The following IL12B variants were observed in gnomAD, a reference collection of about 807,000 sequenced individuals.
IL12B encodes interleukin-12 subunit beta.
Under a neutral mutation model 39.2 loss-of-function variants are expected in IL12B, and 27 were observed. That is an observed-to-expected ratio of 0.69 (90% CI 0.51 to 0.95). The LOEUF is 0.95. Ranked by LOEUF, IL12B falls within the 40% of genes least tolerant of loss-of-function variation. IL12B has a pLI of 0.00. For synonymous variants in IL12B, 142 were observed against 152.1 expected (o/e 0.93, Z 0.49); for missense variants, 351 against 397.6 (o/e 0.88, Z 1.00).
At chr5:159,325,955 T>C (rs549248819) in intron 2 of IL12B, among the ~76,000 whole-genome samples, 100 of 152,318 alleles carry the variant, frequency 6.6e-4, no homozygotes, top group African/African-American at 2.3e-3. Flanking sequence ...CATTAACTAT[T>C]CTATTAGTCT....
At chr5:159,318,600 T>C in intron 6 of IL12B, 136 bp downstream of exon 6, 1 of 870,128 alleles carries the variant, frequency 1.1e-6, no homozygotes, top group Admixed American at 1.8e-5. Flanking sequence ...TGCCTAAAGA[T>C]GAATTTCTCA....
intron 6 of IL12B, among the ~76,000 whole-genome samples, chr5:159,317,051 C>A (rs1208798444): frequency 6.6e-6 from 1 of 152,206 alleles, no homozygotes; most frequent in Non-Finnish European, 1.5e-5. Context: ...TTTGGCCCAG[C>A]TTTCATCTTT....
intron 2 of IL12B, among the ~76,000 whole-genome samples, chr5:159,323,730 A>C (rs1368489596): frequency 6.6e-6 from 1 of 152,168 alleles, no homozygotes; most frequent in African/African-American, 2.4e-5. Flanking sequence ...AGAGTAACAT[A>C]GTGGTTAAAA....
chr5:159,322,322 G>T, intron 4 of IL12B, 72 bp downstream of exon 4: 1 of 962,358 alleles, frequency 1.0e-6, no homozygotes, highest in South Asian at 1.3e-5. Flanking sequence ...ATAGGTCACT[G>T]AGAGGTTGCC....
At position 159,315,178 on chromosome 5, in the gene IL12B, A is replaced by T. The variant is rs1753967933; in HGVS notation, c.*923T>A. 6.6e-6 allele frequency: 1 copy of T among 151,706 alleles called. No homozygotes were observed. The highest frequency in any genetic ancestry group is 1.5e-5 in the Non-Finnish European group (1 of 68,002). 9.4% of individuals were successfully genotyped at this position (151,706 alleles called of 1,614,324 possible). A position where few individuals can be genotyped will look rare whatever the true frequency, so the allele number is the denominator to read the frequency against. On this transcript the variant is annotated 3_prime_UTR_variant, in exon 8 of 8. Coordinates refer to ENST00000231228, the MANE Select transcript of IL12B (RefSeq NM_002187.3). ...GGGTGAGGACTGCCATGGAAGCTAA[A>T]GCTGAATTTTAATTTCAATCATTTT... is the stretch of plus-strand genomic sequence containing the variant.
chr5:159,319,376 C>T (rs536355378), intron 5 of IL12B, among the ~76,000 whole-genome samples: 73 of 152,358 alleles, frequency 4.8e-4, no homozygotes, highest in African/African-American at 1.7e-3. Context: ...GGAGCAGTTA[C>T]AGTCAATTGT....
chr5:159,318,853 T>C lies in IL12B; in HGVS notation c.738A>G (p.Leu246=), dbSNP rs192540461. The change falls in exon 6 of 8, where the codon TTA becomes TTG. Residue 246 remains leucine (L), a synonymous_variant. Coordinates refer to ENST00000231228, the MANE Select transcript of IL12B (RefSeq NM_002187.3). The part of the protein sequence containing the change: ...DPPKNLQLKP[L]KNSRQVEVSW... ...TGACCTCCACCTGCCGAGAATTCTT[T>C]AATGGCTTCAGCTGCAAGTTCTTGG... The C allele has an allele frequency of 3.2e-5, 51 of 1,614,112 alleles. No homozygotes were observed. The East Asian group carries it at 1.1e-3, about 36-fold the overall frequency.
chr5:159,320,626 A>G (rs1310844247), intron 4 of IL12B, 106 bp from the exon 5 acceptor site: 3 of 924,474 alleles, frequency 3.2e-6, no homozygotes, highest in Non-Finnish European at 5.2e-6. Flanking sequence ...CTGAGGACAC[A>G]GTTTCTCCAA....
rs754304446 is a variant in IL12B at position 159,323,295 on chromosome 5, G to T, written c.123C>A (p.Ala41=). 1 of 1,614,018 alleles carries T rather than the reference G, an allele frequency of 6.2e-7. No homozygotes were observed. The highest frequency in any genetic ancestry group is 8.5e-7 in the Non-Finnish European group (1 of 1,179,940). ...YVVELDWYPD[A]PGEMVVLTCD... Reference sequence around the variant, plus strand: ...AGGTGAGGACCACCATTTCTCCAGGGGCATCCGGATACCAATCCAATTCTA... The same window carrying T: ...AGGTGAGGACCACCATTTCTCCAGGTGCATCCGGATACCAATCCAATTCTA... Residue 41 remains alanine (A), a synonymous_variant, in exon 3 of 8, where the codon GCC becomes GCA. Transcript: ENST00000231228.
chr5:159,329,768 G>T (rs1227230808), intron 1 of IL12B, among the ~76,000 whole-genome samples: 1 of 152,000 alleles, frequency 6.6e-6, no homozygotes, highest in Admixed American at 6.6e-5. Context: ...TTGTTAAAAT[G>T]ACATTGTTGT....
intron 4 of IL12B, 77 bp from the exon 5 acceptor site, chr5:159,320,597 G>A (rs1331898446): frequency 2.4e-6 from 3 of 1,224,974 alleles, no homozygotes; most frequent in Non-Finnish European, 3.6e-6. Flanking sequence ...AGTAAGGCAG[G>A]TAAGGCCTCA....
In IL12B at chr5:159,323,349, G is replaced by A. The variant is rs768525361; in HGVS notation, c.89-20C>T. The A allele has an allele frequency of 3.1e-6, 5 of 1,612,090 alleles. No individual in the cohort carries two copies. Among genetic ancestry groups the A allele is most frequent in the African/African-American group, 2.7e-5 (2 of 74,924 alleles). ...CATAAACTGGAATGCACATAAAGTG[G>A]AGAACCAGGCTGTAAGCTCCAGGAA... On this transcript the variant is annotated intron_variant, in intron 2 of 7. Coordinates refer to ENST00000231228, the MANE Select transcript of IL12B (RefSeq NM_002187.3).
Position 159,326,260 on chromosome 5 carries a change from A to G in IL12B, c.88+435T>C, listed in dbSNP as rs3213090. Among the ~76,000 whole-genome samples, 539 of 152,272 alleles carry G rather than the reference A, an allele frequency of 3.5e-3. 6 individuals carry two copies. The highest frequency in any genetic ancestry group is 0.012 in the African/African-American group (511 of 41,558). On this transcript the variant is annotated intron_variant, in intron 2 of 7. Transcript: ENST00000231228. ...CCAAGTCAATGTGAGTCTGAATCCTATGCTTCCTCCAAAGTGCTTGGTCAG... is the reference window on the plus strand; with the variant it reads ...CCAAGTCAATGTGAGTCTGAATCCTGTGCTTCCTCCAAAGTGCTTGGTCAG...
At chr5:159,322,997 T>C (rs1754119237) in intron 3 of IL12B, 57 bp downstream of exon 3, 1 of 1,546,034 alleles carries the variant, frequency 6.5e-7, no homozygotes, top group African/African-American at 1.4e-5. Flanking sequence ...GTTGTTGTTG[T>C]TTTTAACTCT....
chr5:159,321,824 G>A (rs1369997221), intron 4 of IL12B, among the ~76,000 whole-genome samples: 1 of 152,176 alleles, frequency 6.6e-6, no homozygotes, highest in Non-Finnish European at 1.5e-5. Context: ...CCACATGGGG[G>A]TTAACACATA....
Position 159,316,808 on chromosome 5 carries a change from T to C in IL12B, c.864A>G (p.Arg288=), listed in dbSNP as rs144054146. Residue 288 remains arginine (R), a synonymous_variant, in exon 7 of 8, where the codon AGA becomes AGG. Coordinates refer to ENST00000231228, the MANE Select transcript of IL12B (RefSeq NM_002187.3). ...TGGCTGAGGTCTTGTCCGTGAAGAC[T>C]CTATCTTTCTGCAAAAGAGAAGGAA... ...QGKSKREKKD[R]VFTDKTSATV... is the part of the protein sequence containing the mutation. 6.2e-6 allele frequency: 10 copies of C among 1,614,012 alleles called. No homozygotes were observed. The highest frequency in any genetic ancestry group is 5.1e-6 in the Non-Finnish European group (6 of 1,180,014).
At chr5:159,319,637 A>T (rs1221958959) in intron 5 of IL12B, among the ~76,000 whole-genome samples, 1 of 152,206 alleles carries the variant, frequency 6.6e-6, no homozygotes, top group African/African-American at 2.4e-5. Flanking sequence ...CTCTTAACAC[A>T]ACTGACATCT....
At chr5:159,322,909 G>T in intron 3 of IL12B, 145 bp downstream of exon 3, 1 of 818,416 alleles carries the variant, frequency 1.2e-6, no homozygotes, top group Non-Finnish European at 2.0e-6. Context: ...GGAAAATGGA[G>T]GTTAACATCA....
chr5:159,318,588 G>A (rs1754029069), intron 6 of IL12B, 148 bp downstream of exon 6: 1 of 793,742 alleles, frequency 1.3e-6, no homozygotes, highest in African/African-American at 1.7e-5. Flanking sequence ...CAATGATATA[G>A]CTGCCTAAAG....
Sources: gnomAD v4.1 joint callset for allele counts (sites outside exome capture counted in the v4.1 genomes callset) on GRCh38, gnomAD v4.1.1 for gene constraint, MANE v1.5 for transcripts, NCBI Gene and HGNC (gene_info 2026-07-23, HGNC 2026-07-21) for gene names.